Variants in VAMP7 observed in about 807,000 individuals in gnomAD.
The protein encoded by VAMP7 is vesicle associated membrane protein 7.
In VAMP7, 14 loss-of-function variants were observed where a neutral mutation model predicts 29.6. The ratio of observed to expected loss-of-function variants is 0.47; its 90% CI spans 0.31 to 0.74. The LOEUF is 0.74. Among genes scored for constraint, VAMP7 ranks in the 30% least tolerant of loss-of-function variants. VAMP7 has a pLI of 0.05. For synonymous variants in VAMP7, 95 were observed against 88.1 expected (o/e 1.08, Z -0.44); for missense variants, 223 against 262.4 (o/e 0.85, Z 1.04).
At chrX:155,894,301 GTTTTT>G (rs1195549080) in intron 2 of VAMP7, among the ~76,000 whole-genome samples, 1 of 64,886 alleles carries the variant, frequency 1.5e-5, no homozygotes, top group Non-Finnish European at 3.2e-5. Context: ...TGTGTCCTTT[GTTTTT>G]TTTTTTTTTT....
chrX:155,932,956 A>G (rs2066586140), intron 6 of VAMP7, among the ~76,000 whole-genome samples: 1 of 152,244 alleles, frequency 6.6e-6, no homozygotes, highest in African/African-American at 2.4e-5. Flanking sequence ...ATCTATTGAG[A>G]TGATCGTGTG....
rs780344221 is a variant in VAMP7, at chrX:155,889,461, G to A, written c.-6G>A. The A allele has an allele frequency of 1.9e-6, 3 of 1,612,430 alleles. No homozygotes were observed. Among genetic ancestry groups the A allele is most frequent in the East Asian group, 4.5e-5 (2 of 44,852 alleles). ...TGTGTCTTTTTCCTTTTGATAGACT[G>A]AAGCCATGGCGATTCTTTTTGCTGT... On this transcript the variant is annotated 5_prime_UTR_variant, in exon 2 of 8. Transcript: ENST00000286448.
intron 6 of VAMP7, among the ~76,000 whole-genome samples, chrX:155,921,247 T>C (rs1021328810): frequency 3.3e-5 from 5 of 152,184 alleles, no homozygotes; most frequent in Non-Finnish European, 7.4e-5. Context: ...CTCTTTATGG[T>C]AGAATAACAT....
intron 5 of VAMP7, among the ~76,000 whole-genome samples, chrX:155,912,722 C>T (rs4590599): frequency 0.65 from 98,123 of 151,918 alleles, 32,134 homozygotes; most frequent in African/African-American, 0.76. Context: ...AGTATTCCAT[C>T]GTGTATATGT....
chrX:155,904,725 T>C (rs1056701502), intron 5 of VAMP7, among the ~76,000 whole-genome samples: 5 of 152,046 alleles, frequency 3.3e-5, no homozygotes, highest in Non-Finnish European at 7.4e-5. Flanking sequence ...GCGTAATGAT[T>C]GTGAGATTCA....
chrX:155,887,106 C>G (rs1478475581), intron 1 of VAMP7, among the ~76,000 whole-genome samples: 2 of 152,204 alleles, frequency 1.3e-5, no homozygotes, highest in Non-Finnish European at 2.9e-5. Context: ...CTCTTTCTTT[C>G]CTTTCGGCTT....
At chrX:155,899,530 T>C (rs2066032890) in intron 4 of VAMP7, among the ~76,000 whole-genome samples, 1 of 129,730 alleles carries the variant, frequency 7.7e-6, no homozygotes, top group African/African-American at 3.0e-5. Flanking sequence ...GTATTACATT[T>C]CTAAATTTTA....
At chrX:155,936,910 A>G (rs1158967125) in intron 6 of VAMP7, among the ~76,000 whole-genome samples, 1 of 152,214 alleles carries the variant, frequency 6.6e-6, no homozygotes, top group African/African-American at 2.4e-5. Context: ...TTAACCAAGG[A>G]TGTAATAATG....
At chrX:155,933,176 T>A (rs2066590886) in intron 6 of VAMP7, among the ~76,000 whole-genome samples, 1 of 152,194 alleles carries the variant, frequency 6.6e-6, no homozygotes, top group Admixed American at 6.5e-5. Flanking sequence ...TTTTGTGTTG[T>A]GTCTCTGCCA....
At chrX:155,911,300 T>A (rs2066233946) in intron 5 of VAMP7, among the ~76,000 whole-genome samples, 1 of 152,176 alleles carries the variant, frequency 6.6e-6, no homozygotes, top group African/African-American at 2.4e-5. Context: ...TTCTATTCCA[T>A]CGACCTTGTG....
chrX:155,910,336 T>G (rs1349017203), intron 5 of VAMP7, among the ~76,000 whole-genome samples: 1 of 152,208 alleles, frequency 6.6e-6, no homozygotes, highest in African/African-American at 2.4e-5. Context: ...TAAACCACAT[T>G]TTCTTTATCC....
At chrX:155,883,540 C>T (rs1204205764) in intron 1 of VAMP7, among the ~76,000 whole-genome samples, 3 of 152,024 alleles carry the variant, frequency 2.0e-5, no homozygotes, top group Non-Finnish European at 4.4e-5. Context: ...GTAATAGATC[C>T]TACTGCAATA....
At chrX:155,935,452 G>A (rs2066636039) in intron 6 of VAMP7, among the ~76,000 whole-genome samples, 1 of 151,744 alleles carries the variant, frequency 6.6e-6, no homozygotes. Context: ...CATTCATTTG[G>A]TCTTCAATCA....
chrX:155,884,433 AAAGTCTT>A (rs1380475538), intron 1 of VAMP7, among the ~76,000 whole-genome samples: 1 of 152,202 alleles, frequency 6.6e-6, no homozygotes, highest in East Asian at 1.9e-4. Context: ...AGCCAAAATT[AAAGTCTT>A]ATTCCATGCA....
intron 5 of VAMP7, among the ~76,000 whole-genome samples, chrX:155,915,389 T>C (rs1462834474): frequency 6.6e-6 from 1 of 152,168 alleles, no homozygotes; most frequent in Non-Finnish European, 1.5e-5. Flanking sequence ...ATCTTAGTTA[T>C]TTCTTGTCTT....
chrX:155,928,801 G>T (rs747421401), intron 6 of VAMP7, among the ~76,000 whole-genome samples: 1 of 152,280 alleles, frequency 6.6e-6, no homozygotes, highest in South Asian at 2.1e-4. Context: ...CAGATGGTTT[G>T]TCAGTGTTCA....
rs187646280 is a variant in VAMP7 at position 155,910,772 on chromosome X, C to T, written c.434-9041C>T. Among the ~76,000 whole-genome samples, 32 of 152,126 alleles carry T rather than the reference C, an allele frequency of 2.1e-4. No individual in the cohort carries two copies. In the East Asian group the frequency reaches 6.2e-3, roughly 29 times the overall value. On this transcript the variant is annotated intron_variant, in intron 5 of 7. Coordinates refer to ENST00000286448, the MANE Select transcript of VAMP7 (RefSeq NM_005638.6). ...TTTGAGAAATGGCTATTCATGTCCT[C>T]TGCCCACTTTTTAAGGGGATTATTT...
At chrX:155,892,090 T>A (rs1490542020) in intron 2 of VAMP7, among the ~76,000 whole-genome samples, 1 of 152,144 alleles carries the variant, frequency 6.6e-6, no homozygotes, top group East Asian at 1.9e-4. Context: ...TAAGAGAGTA[T>A]AGAATATGTA....
At position 155,943,357 on chromosome X, in the gene VAMP7, A is replaced by G. The variant is rs1315304870; in HGVS notation, c.*1406A>G. The G allele has an allele frequency of 2.6e-5, 4 of 152,178 alleles. No homozygotes were observed. Among genetic ancestry groups the G allele is most frequent in the African/African-American group, 9.7e-5 (4 of 41,296 alleles). 9.4% of individuals were successfully genotyped at this position (152,178 alleles called of 1,614,324 possible). On this transcript the variant is annotated 3_prime_UTR_variant, in exon 8 of 8. Transcript: ENST00000286448. Reference sequence around the variant, plus strand: ...TCTGGCTCATGGTACCTGTTCTTCTATCCAAACCTTTCAATTCATGCTACC... The same window carrying G: ...TCTGGCTCATGGTACCTGTTCTTCTGTCCAAACCTTTCAATTCATGCTACC...
Sources: gnomAD v4.1 joint callset for allele counts (sites outside exome capture counted in the v4.1 genomes callset) on GRCh38, gnomAD v4.1.1 for gene constraint, MANE v1.5 for transcripts, NCBI Gene and HGNC (gene_info 2026-07-23, HGNC 2026-07-21) for gene names.